The following LIPA variants were observed in gnomAD, a reference collection of about 807,000 sequenced individuals.
LIPA encodes lysosomal acid lipase/cholesteryl ester hydrolase.
A neutral mutation model predicts 40.6 loss-of-function variants in LIPA; 26 were observed. The observed-to-expected ratio is 0.64, with a 90% confidence interval of 0.47 to 0.89. The LOEUF is 0.89. Ranked by LOEUF, LIPA falls within the 40% of genes least tolerant of loss-of-function variation. LIPA has a pLI of 0.00. For synonymous variants in LIPA, 188 were observed against 168.4 expected, an observed-to-expected ratio of 1.12 and a Z score of -0.90; for missense variants, 455 against 479.6, an observed-to-expected ratio of 0.95 and a Z score of 0.48.
intron 1 of LIPA, among the ~76,000 whole-genome samples, chr10:89,251,492 C>T (rs1342249226): frequency 1.0e-5 from 1 of 97,980 alleles, no homozygotes; most frequent in Non-Finnish European, 2.0e-5. Context: ...TGGACAGCGC[C>T]CAGGGAAGAG....
chr10:89,393,685 G>A (rs1485595294), intron 2 of LIPA, among the ~76,000 whole-genome samples: 1 of 152,184 alleles, frequency 6.6e-6, no homozygotes, highest in African/African-American at 2.4e-5. Context: ...AGCTGAGATT[G>A]TACCACTGCA....
At chr10:89,346,259 A>C (rs987540888), upstream of LIPA, among the ~76,000 whole-genome samples, 6 of 152,210 alleles carry the variant, frequency 3.9e-5, no homozygotes, top group African/African-American at 1.4e-4. Flanking sequence ...GCTTCCCATC[A>C]TGTTAACACC....
intron 2 of LIPA, among the ~76,000 whole-genome samples, chr10:89,401,412 C>T (rs1015405477): frequency 4.6e-5 from 7 of 152,126 alleles, no homozygotes; most frequent in African/African-American, 1.4e-4. Context: ...TGAGCCACCG[C>T]ACCCAGCCTA....
At chr10:89,404,890 A>T (rs1194514577) in intron 2 of LIPA, 3 of 151,994 alleles carry the variant, frequency 2.0e-5, no homozygotes, top group Non-Finnish European at 4.4e-5. Flanking sequence ...GGAGCCAGGG[A>T]GTTCGAGGCT....
intron 2 of LIPA, among the ~76,000 whole-genome samples, chr10:89,381,043 T>A (rs962554295): frequency 1.3e-5 from 2 of 152,200 alleles, no homozygotes; most frequent in Non-Finnish European, 2.9e-5. Flanking sequence ...TTTCCACCTA[T>A]CAATGCATGG....
intron 2 of LIPA, chr10:89,384,121 G>T: frequency 1.2e-6 from 2 of 1,614,168 alleles, no homozygotes; most frequent in Non-Finnish European, 1.7e-6. Context: ...TGTGGATAAA[G>T]CTCTTGAGCT....
intron 2 of LIPA, chr10:89,403,030 A>G (rs1251460365): frequency 3.7e-6 from 6 of 1,614,130 alleles, no homozygotes; most frequent in Non-Finnish European, 5.1e-6. Flanking sequence ...TCACAGACCT[A>G]TGTCTTTCGA....
At chr10:89,328,294 C>G (rs1359107705) in intron 1 of LIPA, among the ~76,000 whole-genome samples, 1 of 152,068 alleles carries the variant, frequency 6.6e-6, no homozygotes, top group Non-Finnish European at 1.5e-5. Flanking sequence ...TGGTTCCCTA[C>G]GGAACTACAT....
At chr10:89,354,827 A>G (rs1310894291) in intron 2 of LIPA, among the ~76,000 whole-genome samples, 1 of 152,214 alleles carries the variant, frequency 6.6e-6, no homozygotes, top group African/African-American at 2.4e-5. Flanking sequence ...CGGCCTCCCA[A>G]AGTGCTGGGA....
intron 2 of LIPA, among the ~76,000 whole-genome samples, chr10:89,376,800 T>C (rs991179431): frequency 6.6e-6 from 1 of 152,222 alleles, no homozygotes; most frequent in Non-Finnish European, 1.5e-5. Flanking sequence ...TATAGAATCA[T>C]TTCTGCTTCC....
At chr10:89,386,946 A>AGTGTGT (rs756939371) in intron 2 of LIPA, among the ~76,000 whole-genome samples, 1,719 of 125,940 alleles carry the variant, frequency 0.014, 45 homozygotes, top group African/African-American at 0.045. Context: ...TGGGTATATG[A>AGTGTGT]GTGTGTGTGT....
intron 8 of LIPA, among the ~76,000 whole-genome samples, chr10:89,221,884 G>A (rs1051311977): frequency 4.6e-5 from 7 of 151,820 alleles, no homozygotes; most frequent in African/African-American, 1.7e-4. Flanking sequence ...TCTGTCTAGG[G>A]TTATAGAATG....
At chr10:89,403,028 C>T (rs112696214) in intron 2 of LIPA, 20 of 1,614,094 alleles carry the variant, frequency 1.2e-5, no homozygotes, top group Non-Finnish European at 1.4e-5. Flanking sequence ...CCTCACAGAC[C>T]TATGTCTTTC....
At chr10:89,341,751 A>G (rs953295851) in intron 1 of LIPA, among the ~76,000 whole-genome samples, 4 of 152,206 alleles carry the variant, frequency 2.6e-5, no homozygotes, top group Non-Finnish European at 5.9e-5. Flanking sequence ...GAACCCATAA[A>G]GAGTTGCCCT....
At chr10:89,294,329 A>G (rs1391462260) in intron 1 of LIPA, among the ~76,000 whole-genome samples, 2 of 152,228 alleles carry the variant, frequency 1.3e-5, no homozygotes. Flanking sequence ...GTAATTTATA[A>G]TGAACAGACA....
chr10:89,222,495 C>T lies in LIPA; in HGVS notation c.894+16G>A, dbSNP rs1842712264. 1.9e-6 allele frequency: 3 copies of T among 1,569,020 alleles called. No homozygotes were observed. Among genetic ancestry groups the T allele is most frequent in the Non-Finnish European group, 2.6e-6 (3 of 1,139,094 alleles). ...TGATTTTACATGAACCCCAAATGCACTCCTGGAATGCCTACCTGGCTCCAG... is the reference window on the plus strand; with the variant it reads ...TGATTTTACATGAACCCCAAATGCATTCCTGGAATGCCTACCTGGCTCCAG... On this transcript the variant is annotated intron_variant, in intron 8 of 9. Transcript: ENST00000336233.
At chr10:89,249,279 A>G (rs1843080119) in intron 1 of LIPA, among the ~76,000 whole-genome samples, 2 of 152,236 alleles carry the variant, frequency 1.3e-5, no homozygotes, top group Admixed American at 1.3e-4. Flanking sequence ...TGATGACTCA[A>G]AATCACAGCA....
chr10:89,390,546 T>A (rs533446416), intron 2 of LIPA, among the ~76,000 whole-genome samples: 4 of 152,160 alleles, frequency 2.6e-5, no homozygotes, highest in Admixed American at 2.6e-4. Flanking sequence ...CACAACCTAG[T>A]GCTGAAATTT....
intron 1 of LIPA, among the ~76,000 whole-genome samples, chr10:89,331,843 A>G (rs1843654799): frequency 7.1e-6 from 1 of 141,222 alleles, no homozygotes; most frequent in Non-Finnish European, 1.5e-5. Flanking sequence ...TGGATGACAG[A>G]GTGAGATCCT....
Sources: gnomAD v4.1 joint callset for allele counts (sites outside exome capture counted in the v4.1 genomes callset) on GRCh38, gnomAD v4.1.1 for gene constraint, MANE v1.5 for transcripts, NCBI Gene and HGNC (gene_info 2026-07-23, HGNC 2026-07-21) for gene names.